Variants in CLEC12A observed in about 807,000 individuals in gnomAD.
The protein encoded by CLEC12A is C-type lectin protein CLL-1.
A neutral mutation model predicts 26.5 loss-of-function variants in CLEC12A; 22 were observed. That is an observed-to-expected ratio of 0.83 (90% CI 0.59 to 1.19). The LOEUF is 1.19. CLEC12A is among the 50% of genes most tolerant of loss of function. The probability of loss-of-function intolerance (pLI) is 0.00; values close to 1 mark genes in which losing one functional copy is unlikely to be tolerated. For missense variants in CLEC12A, 353 were observed against 315.6 expected (o/e 1.12, Z -0.90); for synonymous variants, 119 against 101.9 (o/e 1.17, Z -1.01).
the CLEC12A span, among the ~76,000 whole-genome samples, chr12:10,002,506 G>T: frequency 2.4e-5 from 1 of 41,570 alleles, no homozygotes; most frequent in Non-Finnish European, 6.1e-5. Context: ...GCAGTGGCGC[G>T]ATCTCGGCTC....
At chr12:9,962,263 T>C (rs2137107752) in intron 1 of CLEC12A, among the ~76,000 whole-genome samples, 1 of 151,074 alleles carries the variant, frequency 6.6e-6, no homozygotes, top group South Asian at 2.1e-4. Flanking sequence ...CTTTTTTTTT[T>C]TTTTTTTTGG....
rs537081077 is a variant in CLEC12A at position 9,952,351 on chromosome 12, G to A, written c.10+995G>A. ...CAGGCACGCACCACCACGCCTGACTGGTTTTGGTGGAGACGGGGTTTCGCT... is the reference window on the plus strand; with the variant it reads ...CAGGCACGCACCACCACGCCTGACTAGTTTTGGTGGAGACGGGGTTTCGCT... On this transcript the variant is annotated intron_variant, in intron 1 of 6. Transcript: ENST00000355690. Among the ~76,000 whole-genome samples the A allele has an allele frequency of 6.1e-3, 925 of 150,958 alleles. 3 individuals carry two copies. The highest frequency in any genetic ancestry group is 0.01 in the Non-Finnish European group (693 of 67,660).
downstream of CLEC12A, among the ~76,000 whole-genome samples, chr12:9,988,345 A>G (rs1864817456): frequency 6.6e-6 from 1 of 152,222 alleles, no homozygotes; most frequent in South Asian, 2.1e-4. Flanking sequence ...AATGGCATCA[A>G]AAGCCAAAAT....
chr12:9,968,010 A>G (rs1159833096), upstream of CLEC12A, among the ~76,000 whole-genome samples: 2 of 152,152 alleles, frequency 1.3e-5, no homozygotes, highest in Non-Finnish European at 2.9e-5. Flanking sequence ...TCAGAAAAGG[A>G]AAGGAACTGA....
intron 1 of CLEC12A, among the ~76,000 whole-genome samples, chr12:9,956,907 T>C (rs1368962937): frequency 6.6e-6 from 1 of 152,192 alleles, no homozygotes; most frequent in African/African-American, 2.4e-5. Context: ...AAGTATAAGT[T>C]ACCAGTGGAA....
At chr12:9,991,524 A>G (rs746993272) in intron 4 of CLEC12A, 1 of 152,148 alleles carries the variant, frequency 6.6e-6, no homozygotes, top group Non-Finnish European at 1.5e-5. Flanking sequence ...GACAATTCAA[A>G]ATAAAAAACA....
intron 1 of CLEC12A, among the ~76,000 whole-genome samples, chr12:9,973,577 A>G (rs1327329381): frequency 6.6e-6 from 1 of 152,186 alleles, no homozygotes; most frequent in East Asian, 1.9e-4. Context: ...GGTGAAAAAT[A>G]CACAAATTTT....
In CLEC12A at chr12:9,982,089, C is replaced by A. The variant is rs766054849; in HGVS notation, c.601C>A (p.Arg201Ser). 5 of 1,598,346 alleles carry A rather than the reference C, an allele frequency of 3.1e-6. No individual in the cohort carries two copies. Among genetic ancestry groups the A allele is most frequent in the Non-Finnish European group, 4.3e-6 (5 of 1,166,664 alleles). Residue 201 changes from arginine (R) to serine (S), a missense_variant, in exon 5 of 6, where the codon CGT becomes AGT. Coordinates refer to ENST00000304361, the MANE Select transcript of CLEC12A (RefSeq NM_138337.6). ...LGLSPEEDST[R>S]GMRVDNIINS... ...ATTATCTCCTGAAGAAGATTCCACTCGTGGTATGAGAGTGGATAATATAAT... is the reference window on the plus strand; with the variant it reads ...ATTATCTCCTGAAGAAGATTCCACTAGTGGTATGAGAGTGGATAATATAAT...
chr12:9,971,823 C>T, intron 1 of CLEC12A, 136 bp downstream of exon 1: 2 of 656,140 alleles, frequency 3.0e-6, no homozygotes, highest in Non-Finnish European at 2.3e-6. Context: ...AGCAAAGGAA[C>T]AAAAAGTGTA....
At chr12:9,989,201 C>T (rs1362721703), downstream of CLEC12A, among the ~76,000 whole-genome samples, 4 of 94,344 alleles carry the variant, frequency 4.2e-5, no homozygotes, top group Non-Finnish European at 5.9e-5. Flanking sequence ...CATCACACAC[C>T]GGGGCCTGTT....
chr12:9,995,705 G>T (rs1187321773), downstream of CLEC12A: 10 of 219,922 alleles, frequency 4.5e-5, no homozygotes, highest in Non-Finnish European at 5.5e-5. Flanking sequence ...TTAACTTGTT[G>T]TAGTTAATTG....
chr12:9,988,735 G>A (rs1864826333), downstream of CLEC12A, among the ~76,000 whole-genome samples: 1 of 152,210 alleles, frequency 6.6e-6, no homozygotes, highest in South Asian at 2.1e-4. Flanking sequence ...AGAGGATGTG[G>A]AGAAATAGGA....
chr12:9,960,073 G>A (rs966029966), intron 1 of CLEC12A, among the ~76,000 whole-genome samples: 4 of 152,144 alleles, frequency 2.6e-5, no homozygotes, highest in African/African-American at 9.7e-5. Context: ...AACCACAATA[G>A]GTCAGTCTTT....
intron 1 of CLEC12A, chr12:9,951,862 AT>A (rs1863616558): frequency 6.2e-6 from 1 of 160,898 alleles, no homozygotes; most frequent in Admixed American, 6.1e-5. Context: ...AACATGCCCA[AT>A]CTCATCTGAT....
downstream of CLEC12A, chr12:9,986,030 G>A: frequency 2.9e-6 from 1 of 344,490 alleles, no homozygotes; most frequent in Non-Finnish European, 6.2e-6. Context: ...GCTGGGCCTA[G>A]AGGGAAGGGG....
At chr12:9,960,853 TC>T (rs1480877417) in intron 1 of CLEC12A, among the ~76,000 whole-genome samples, 1 of 152,180 alleles carries the variant, frequency 6.6e-6, no homozygotes, top group Non-Finnish European at 1.5e-5. Flanking sequence ...AGACTGCAGA[TC>T]CTTCACCCAG....
rs1864519430 is a variant in CLEC12A at position 9,980,623 on chromosome 12, A to G, written c.421A>G (p.Lys141Glu). ...KPCPRRWIWH[K>E]DSCYFLSDDV... ...TTGTCCAAGGAGATGGATTTGGCAT[A>G]AGGACAGCTGTTATTTCCTAAGTGA... The change falls in exon 4 of 6, where the codon AAG (lysine) becomes GAG (glutamate). Residue 141 changes from lysine to glutamate, a missense_variant. Transcript: ENST00000304361. 6 of 1,613,824 alleles carry G rather than the reference A, an allele frequency of 3.7e-6. No individual in the cohort carries two copies. The highest frequency in any genetic ancestry group is 1.3e-5 in the African/African-American group (1 of 74,918).
At chr12:9,986,091 C>T (rs535893338), downstream of CLEC12A, 28 of 454,704 alleles carry the variant, frequency 6.2e-5, no homozygotes, top group East Asian at 1.9e-3. Flanking sequence ...CAGATCCCGG[C>T]CCAGTGGGAT....
intron 3 of CLEC12A, among the ~76,000 whole-genome samples, chr12:9,979,969 TA>T (rs1488236370): frequency 6.6e-6 from 1 of 152,206 alleles, no homozygotes; most frequent in Non-Finnish European, 1.5e-5. Flanking sequence ...AGTGTCTCCA[TA>T]AGTTTCTATA....
Sources: allele counts gnomAD v4.1 joint callset (sites outside exome capture counted in the v4.1 genomes callset), GRCh38; gene constraint gnomAD v4.1.1; transcripts MANE v1.5; gene names NCBI Gene and HGNC (gene_info 2026-07-23, HGNC 2026-07-21).